The following CCNE2 variants were observed in gnomAD, a reference collection of about 807,000 sequenced individuals.
The protein encoded by CCNE2 is cyclin E2, also known as G1/S-specific cyclin-E2.
A neutral mutation model predicts 56.8 loss-of-function variants in CCNE2; 18 were observed. That is an observed-to-expected ratio of 0.32 (90% CI 0.22 to 0.47). The LOEUF (loss-of-function observed/expected upper bound fraction) is 0.47. Ranked by LOEUF, CCNE2 falls within the 20% of genes least tolerant of loss-of-function variation. The pLI is 1.00. For synonymous variants in CCNE2, 139 were observed against 149.2 expected (o/e 0.93, Z 0.50); for missense variants, 371 against 467.1 (o/e 0.79, Z 1.90).
intron 5 of CCNE2, among the ~76,000 whole-genome samples, chr8:94,892,469 T>C (rs1309852383): frequency 3.3e-5 from 5 of 152,222 alleles, no homozygotes; most frequent in African/African-American, 1.2e-4. Context: ...GATACATCAA[T>C]TGGAAAAGCT....
intron 6 of CCNE2, among the ~76,000 whole-genome samples, chr8:94,889,185 T>A (rs565274354): frequency 1.8e-3 from 277 of 152,242 alleles, no homozygotes; most frequent in Non-Finnish European, 3.2e-3. Flanking sequence ...TCAAAAAATG[T>A]CTTTTGCATC....
At position 94,883,168 on chromosome 8, in the gene CCNE2, C is replaced by T. The variant is rs1026910178; in HGVS notation, c.832-276G>A. Among the ~76,000 whole-genome samples the T allele has an allele frequency of 1.5e-4, 23 of 151,890 alleles. No individual in the cohort carries two copies. In the East Asian group the frequency reaches 3.3e-3, roughly 22 times the overall value. On this transcript the variant is annotated intron_variant, in intron 9 of 11. Transcript: ENST00000308108. The stretch of plus-strand genomic sequence containing the variant: ...GCACGCGCCTGTAGTCCCAGCTACT[C>T]GGGAGGCTGAGGCAGGAGAATGGCG...
At position 94,883,759 on chromosome 8, in the gene CCNE2, A is replaced by G. The variant is rs535807796; in HGVS notation, c.832-867T>C. The G allele has an allele frequency of 2.4e-4, 78 of 327,684 alleles. 1 individual carries two copies. Among genetic ancestry groups the G allele is most frequent in the African/African-American group, 1.5e-3 (74 of 48,056 alleles). 20.3% of individuals were successfully genotyped at this position (327,684 alleles called of 1,614,324 possible). A position where few individuals can be genotyped will look rare whatever the true frequency, so the allele number is the denominator to read the frequency against. On this transcript the variant is annotated intron_variant, in intron 9 of 11. Transcript: ENST00000308108. ...TTATTAAGCAGTGAGATTAGTTAAA[A>G]GGCTGTATAATCTAGGCAATAAGAG... is the stretch of plus-strand genomic sequence containing the variant.
chr8:94,887,152 T>C (rs2131108025), intron 7 of CCNE2, among the ~76,000 whole-genome samples: 1 of 152,330 alleles, frequency 6.6e-6, no homozygotes. Flanking sequence ...ATTGAGCTTA[T>C]GTGAAGGAAA....
At chr8:94,895,830 C>T (rs1817492340), upstream of CCNE2, 1 of 152,518 alleles carries the variant, frequency 6.6e-6, no homozygotes, top group African/African-American at 2.4e-5. Context: ...CCAAGTGCGG[C>T]TCTGCTCTCC....
rs1816775688 is a variant in CCNE2 at position 94,880,730 on chromosome 8, C to CACAA, written c.*898_*901dup. The CACAA allele has an allele frequency of 2.5e-6, 1 of 396,166 alleles. No homozygotes were observed. The allele number at this position is 396,166 out of a possible 1,614,324, so 24.5% of individuals were successfully genotyped here. ...AATTTAGAAAGGACCTTAACAGTTT[C>CACAA]ACAAACATAAATAAAGCCTTAGTCA... On this transcript the variant is annotated 3_prime_UTR_variant, in exon 12 of 12. Transcript: ENST00000308108.
At position 94,892,826 on chromosome 8, in the gene CCNE2, A is replaced by T. The variant is rs749200835; in HGVS notation, c.309T>A (p.Pro103=). The change falls in exon 5 of 12, where the codon CCT becomes CCA. Residue 103 remains proline, a synonymous_variant. Transcript: ENST00000308108. ...KNLFINPSPL[P]DLSWGCSKEV... ...ACTGAAATTTTTCTTACCTTAAATC[A>T]GGCAAAGGTGAAGGATTAATAAAAA... The T allele has an allele frequency of 2.1e-6, 3 of 1,405,872 alleles. No homozygotes were observed. In the East Asian group the frequency reaches 7.6e-5, roughly 36 times the overall value. The allele number at this position is 1,405,872 out of a possible 1,614,324, so 87.1% of individuals were successfully genotyped here.
chr8:94,890,321 C>CA, intron 6 of CCNE2, 94 bp downstream of exon 6: 1 of 1,047,374 alleles, frequency 9.5e-7, no homozygotes, highest in Middle Eastern at 2.3e-4. Context: ...TGGGGATGAA[C>CA]AATAAACTCT....
chr8:94,881,319 T>A lies in CCNE2; in HGVS notation c.*313A>T, dbSNP rs1816800590. The A allele has an allele frequency of 8.0e-6, 3 of 375,880 alleles. No individual in the cohort carries two copies. The South Asian group carries it at 2.6e-4, about 33-fold the overall frequency. The allele number at this position is 375,880 out of a possible 1,614,324, so 23.3% of individuals were successfully genotyped here. ...TGACAAAATTCCTAGTTTATCAAGA[T>A]AAACACAGTAACACTGGATTAAAGG... On this transcript the variant is annotated 3_prime_UTR_variant, in exon 12 of 12. Coordinates refer to ENST00000308108, the MANE Select transcript of CCNE2 (RefSeq NM_057749.3).
At chr8:94,883,481 C>CTTGGAACTCAGTTCACAGT (rs1365201155) in intron 9 of CCNE2, among the ~76,000 whole-genome samples, 3 of 152,236 alleles carry the variant, frequency 2.0e-5, no homozygotes, top group Admixed American at 1.3e-4. Flanking sequence ...AGGGACATTA[C>CTTGGAACTCAGTTCACAGT]TTGGAACTCA....
At chr8:94,893,068 A>G in intron 4 of CCNE2, 99 bp from the exon 5 acceptor site, 1 of 970,330 alleles carries the variant, frequency 1.0e-6, no homozygotes, top group Non-Finnish European at 1.5e-6. Flanking sequence ...CTAAAGAATC[A>G]TAATTTTAGC....
chr8:94,893,169 G>A (rs1276020529), intron 4 of CCNE2, among the ~76,000 whole-genome samples, 200 bp from the exon 5 acceptor site: 3 of 152,142 alleles, frequency 2.0e-5, no homozygotes, highest in African/African-American at 7.2e-5. Context: ...GTAATAGGAT[G>A]TTTTAGACAA....
Position 94,892,840 on chromosome 8 carries a change from G to T in CCNE2, c.295C>A (p.Pro99Thr). Residue 99 changes from proline (P) to threonine (T), a missense_variant, in exon 5 of 12, where the codon CCT becomes ACT. Physicochemically the swap from Pro to Thr is conservative, Grantham distance 38. Transcript: ENST00000308108. Reference protein sequence around the residue: ...NYRFKNLFINPSPLPDLSWGC... With the variant: ...NYRFKNLFINTSPLPDLSWGC... Reference sequence around the variant, plus strand: ...TACCTTAAATCAGGCAAAGGTGAAGGATTAATAAAAAGATTTTTAAATCTG... The same window carrying T: ...TACCTTAAATCAGGCAAAGGTGAAGTATTAATAAAAAGATTTTTAAATCTG... 1.4e-6 allele frequency: 2 copies of T among 1,451,624 alleles called. No homozygotes were observed. Among genetic ancestry groups the T allele is most frequent in the Non-Finnish European group, 1.9e-6 (2 of 1,076,832 alleles). The allele number at this position is 1,451,624 out of a possible 1,614,324, so 89.9% of individuals were successfully genotyped here.
At chr8:94,893,562 G>T in intron 4 of CCNE2, 1 of 249,092 alleles carries the variant, frequency 4.0e-6, no homozygotes, top group East Asian at 8.6e-5. Context: ...TGCCCAAGAA[G>T]CAGCTATTAG....
intron 5 of CCNE2, chr8:94,891,702 T>C (rs1041720573): frequency 1.7e-5 from 11 of 630,198 alleles, no homozygotes; most frequent in Non-Finnish European, 2.5e-5. Context: ...ATTTTTAAAA[T>C]GTCACTTTAC....
At chr8:94,881,862 G>T in intron 11 of CCNE2, 117 bp from the exon 12 acceptor site, 1 of 1,223,644 alleles carries the variant, frequency 8.2e-7, no homozygotes, top group Non-Finnish European at 1.1e-6. Flanking sequence ...GTCTTTGCAA[G>T]TGTGAAGGGT....
intron 1 of CCNE2, 27 bp downstream of exon 1, chr8:94,895,150 T>A: frequency 1.0e-6 from 1 of 983,532 alleles, no homozygotes; most frequent in Non-Finnish European, 1.2e-6. Context: ...TCCTCCCACA[T>A]CCCCCCTACG....
intron 5 of CCNE2, chr8:94,892,012 G>A (rs530642374): frequency 1.2e-6 from 1 of 847,364 alleles, no homozygotes; most frequent in African/African-American, 1.7e-5. Context: ...TAGTGAAAAG[G>A]AACAAATTGT....
Position 94,882,204 on chromosome 8 carries a change from C to G in CCNE2, c.1029G>C (p.Leu343=), listed in dbSNP as rs776396741. The G allele has an allele frequency of 6.2e-7, 1 of 1,613,316 alleles. No individual in the cohort carries two copies. The highest frequency in any genetic ancestry group is 2.2e-5 in the East Asian group (1 of 44,792). ...NVVKSTSPVK[L]KTFKKIPMED... is the part of the protein sequence containing the mutation. ...CCATAGGAATCTTCTTAAAAGTCTT[C>G]AGCTTCACTGGACTAGTACTTTTTA... The change falls in exon 11 of 12, where the codon CTG becomes CTC. Residue 343 remains leucine, a synonymous_variant. Coordinates refer to ENST00000308108, the MANE Select transcript of CCNE2 (RefSeq NM_057749.3).
Sources: allele counts gnomAD v4.1 joint callset (sites outside exome capture counted in the v4.1 genomes callset), GRCh38; gene constraint gnomAD v4.1.1; transcripts MANE v1.5; gene names NCBI Gene and HGNC (gene_info 2026-07-23, HGNC 2026-07-21).